The following PGPEP1 variants were observed in gnomAD, a reference collection of about 807,000 sequenced individuals.
PGPEP1 encodes the protein pyroglutamyl-peptidase I.
PGPEP1 carries 15 observed loss-of-function variants against 24.1 expected under a neutral mutation model. That is an observed-to-expected ratio of 0.62 (90% CI 0.42 to 0.96). The LOEUF is 0.96. PGPEP1 is among the 40% of genes least tolerant of loss of function. The probability of loss-of-function intolerance (pLI) is 0.00; values close to 1 mark genes in which losing one functional copy is unlikely to be tolerated. For synonymous variants in PGPEP1, 122 were observed against 116.4 expected, an observed-to-expected ratio of 1.05 and a Z score of -0.31; for missense variants, 242 against 273.4, an observed-to-expected ratio of 0.89 and a Z score of 0.81.
At position 18,340,622 on chromosome 19, in the gene PGPEP1, G is replaced by A. The variant is rs985895735; in HGVS notation, c.-60G>A. 3.4e-6 allele frequency: 5 copies of A among 1,462,856 alleles called. No homozygotes were observed. The African/African-American group carries it at 4.4e-5, about 13-fold the overall frequency. The allele number at this position is 1,462,856 out of a possible 1,614,324, so 90.6% of individuals were successfully genotyped here. On this transcript the variant is annotated 5_prime_UTR_variant, in exon 1 of 5. Coordinates refer to ENST00000269919, the MANE Select transcript of PGPEP1 (RefSeq NM_017712.4). ...CCTCGCGCGGCCGAGAGGCTGCAGC[G>A]GCAGCAGCTGTCGCGCCAGTCGCAA...
chr19:18,359,799 C>A (rs561917409), intron 4 of PGPEP1, among the ~76,000 whole-genome samples: 132 of 152,154 alleles, frequency 8.7e-4, no homozygotes, highest in African/African-American at 3.0e-3. Flanking sequence ...AGGCCTGAGC[C>A]ACCGCGCCTG....
Position 18,345,047 on chromosome 19 carries a change from C to A in PGPEP1, c.87+2136C>A, listed in dbSNP as rs117661968. Among the ~76,000 whole-genome samples, 1,289 of 152,190 alleles carry A rather than the reference C, an allele frequency of 8.5e-3. 14 individuals carry two copies. The highest frequency in any genetic ancestry group is 0.011 in the Non-Finnish European group (775 of 67,994). ...CACAGTTTCGTTCTTGTTGCCCAGA[C>A]TGGAGTGCAATGTCACGGTATCAGC... On this transcript the variant is annotated intron_variant, in intron 2 of 4. Coordinates refer to ENST00000269919, the MANE Select transcript of PGPEP1 (RefSeq NM_017712.4).
chr19:18,363,409 C>G lies in PGPEP1; in HGVS notation c.456C>G (p.Thr152=), dbSNP rs35689045. 149 of 1,610,630 alleles carry G rather than the reference C, an allele frequency of 9.3e-5. No homozygotes were observed. The highest frequency in any genetic ancestry group is 1.2e-4 in the Non-Finnish European group (143 of 1,177,172). ...GGCTTAGATATCTCTGCGACTTTAC[C>G]TACTACACCTCTTTGTACCAGAGTC... ...QDAGRYLCDF[T]YYTSLYQSHG... The change falls in exon 5 of 5, where the codon ACC becomes ACG. Residue 152 remains threonine, a synonymous_variant. Transcript: ENST00000269919.
chr19:18,345,191 G>A (rs1970796124), intron 2 of PGPEP1, among the ~76,000 whole-genome samples: 1 of 151,898 alleles, frequency 6.6e-6, no homozygotes, highest in South Asian at 2.1e-4. Context: ...TAGTACAGAC[G>A]AGGTTTTGCC....
chr19:18,354,079 AC>A (rs1487015892), intron 2 of PGPEP1, among the ~76,000 whole-genome samples: 1 of 152,134 alleles, frequency 6.6e-6, no homozygotes, highest in Non-Finnish European at 1.5e-5. Flanking sequence ...TACTAAAAAT[AC>A]AAAAATTAGC....
At chr19:18,346,344 A>G in intron 2 of PGPEP1, among the ~76,000 whole-genome samples, 1 of 152,128 alleles carries the variant, frequency 6.6e-6, no homozygotes, top group East Asian at 1.9e-4. Flanking sequence ...TTGTTGGTGT[A>G]ATGCAGGCAA....
intron 2 of PGPEP1, among the ~76,000 whole-genome samples, chr19:18,345,254 G>A (rs968483611): frequency 7.9e-5 from 12 of 151,822 alleles, no homozygotes; most frequent in Non-Finnish European, 1.0e-4. Flanking sequence ...CGCCCGCCTC[G>A]GCCTCCCAAA....
chr19:18,351,399 C>A (rs557552162), intron 2 of PGPEP1, among the ~76,000 whole-genome samples: 2 of 151,396 alleles, frequency 1.3e-5, no homozygotes, highest in African/African-American at 2.4e-5. Flanking sequence ...CTGAGGCAGG[C>A]GGATCACCTG....
chr19:18,363,357 GTC>G (rs746396817), intron 4 of PGPEP1, 32 bp from the exon 5 acceptor site: 9 of 1,573,690 alleles, frequency 5.7e-6, no homozygotes, highest in Admixed American at 1.7e-5. Flanking sequence ...CCCCGTTTTG[GTC>G]TCTCTCTTAC....
In PGPEP1 at chr19:18,352,310, C is replaced by T. The variant is rs190369496; in HGVS notation, c.88-3585C>T. On this transcript the variant is annotated intron_variant, in intron 2 of 4. Transcript: ENST00000269919. ...AAATTAGTTGGGTGTTTTCCCAGTACTCGGGAGTACTGTAATCCCAGTACT... is the reference window on the plus strand; with the variant it reads ...AAATTAGTTGGGTGTTTTCCCAGTATTCGGGAGTACTGTAATCCCAGTACT... Among the ~76,000 whole-genome samples the T allele has an allele frequency of 6.7e-4, 89 of 133,182 alleles. 2 individuals carry two copies. In the East Asian group the frequency reaches 0.021, roughly 31 times the overall value. The allele number at this position is 133,182 out of a possible 152,430, so 87.4% of individuals were successfully genotyped here. A position where few individuals can be genotyped will look rare whatever the true frequency, so the allele number is the denominator to read the frequency against.
At position 18,347,432 on chromosome 19, in the gene PGPEP1, GTC is replaced by G. The variant is rs148553230; in HGVS notation, c.87+4535_87+4536del. On this transcript the variant is annotated intron_variant, in intron 2 of 4. Transcript: ENST00000269919. Reference sequence around the variant, plus strand: ...CTTCTCTGTTTCTCTCTGTCTCCCTGTCTCTCTCTCTCTCTGGGTCTTACTAT... The same window carrying G: ...CTTCTCTGTTTCTCTCTGTCTCCCTGTCTCTCTCTCTCTGGGTCTTACTAT... Among the ~76,000 whole-genome samples, 122 of 146,812 alleles carry G rather than the reference GTC, an allele frequency of 8.3e-4. 1 individual carries two copies. The East Asian group carries it at 0.017, about 20-fold the overall frequency.
intron 4 of PGPEP1, among the ~76,000 whole-genome samples, chr19:18,358,496 G>A (rs902298066): frequency 3.3e-5 from 5 of 151,890 alleles, no homozygotes; most frequent in Non-Finnish European, 7.4e-5. Flanking sequence ...CCGACCTCAG[G>A]TGATGCACCC....
intron 3 of PGPEP1, among the ~76,000 whole-genome samples, chr19:18,356,291 G>A (rs1454755551): frequency 5.3e-5 from 8 of 151,490 alleles, no homozygotes; most frequent in Non-Finnish European, 7.4e-5. Flanking sequence ...AAAATTAGCC[G>A]GGTGTGATGG....
At chr19:18,351,771 C>T (rs993621833) in intron 2 of PGPEP1, among the ~76,000 whole-genome samples, 3 of 151,954 alleles carry the variant, frequency 2.0e-5, no homozygotes, top group Non-Finnish European at 4.4e-5. Flanking sequence ...AGCAAGACCC[C>T]ATCTCTAAAA....
chr19:18,341,112 C>T (rs1164608024), intron 1 of PGPEP1, among the ~76,000 whole-genome samples: 1 of 152,204 alleles, frequency 6.6e-6, no homozygotes, highest in Non-Finnish European at 1.5e-5. Context: ...CTCCCCCAAC[C>T]CCTGGCCCCA....
At position 18,340,704 on chromosome 19, in the gene PGPEP1, T is replaced by A. The variant is rs1970645614; in HGVS notation, c.23T>A (p.Val8Glu). Residue 8 changes from valine to glutamate, a missense_variant, in exon 1 of 5, where the codon GTG becomes GAG. By Grantham distance (121) the Val-to-Glu change is moderately radical. Transcript: ENST00000269919. ...GCCATGGAGCAGCCGAGGAAGGCGGTGGTAGTGACGGGTACGCTGGCTGAT... is the reference window on the plus strand; with the variant it reads ...GCCATGGAGCAGCCGAGGAAGGCGGAGGTAGTGACGGGTACGCTGGCTGAT... MEQPRKA[V>E]VVTGFGPFGE... 2.6e-6 allele frequency: 4 copies of A among 1,531,714 alleles called. No homozygotes were observed. Among genetic ancestry groups the A allele is most frequent in the Non-Finnish European group, 2.6e-6 (3 of 1,139,676 alleles). 94.9% of individuals were successfully genotyped at this position (1,531,714 alleles called of 1,614,324 possible).
chr19:18,343,157 G>A (rs143635881), intron 2 of PGPEP1, among the ~76,000 whole-genome samples: 1,912 of 152,040 alleles, frequency 0.013, 52 homozygotes, highest in African/African-American at 0.042. Flanking sequence ...CTGCCACCAC[G>A]CCCGGCTAAT....
At chr19:18,361,550 G>T (rs999916661) in intron 4 of PGPEP1, 2 of 171,968 alleles carry the variant, frequency 1.2e-5, no homozygotes, top group African/African-American at 4.8e-5. Flanking sequence ...CTCCCAAAGT[G>T]CTGGGACTAC....
At chr19:18,341,249 G>A (rs1465383787) in intron 1 of PGPEP1, among the ~76,000 whole-genome samples, 2 of 152,224 alleles carry the variant, frequency 1.3e-5, no homozygotes, top group Non-Finnish European at 2.9e-5. Flanking sequence ...GGGGTCCGGG[G>A]ACCTCGGGCT....
Sources: allele counts gnomAD v4.1 joint callset (sites outside exome capture counted in the v4.1 genomes callset), GRCh38; gene constraint gnomAD v4.1.1; transcripts MANE v1.5; gene names NCBI Gene and HGNC (gene_info 2026-07-23, HGNC 2026-07-21).